The following TCERG1L variants were observed in gnomAD, a reference collection of about 807,000 sequenced individuals.
The protein encoded by TCERG1L is transcription elongation regulator 1 like, also known as transcription elongation regulator 1-like protein.
Under a neutral mutation model 56.3 loss-of-function variants are expected in TCERG1L, and 37 were observed. The ratio of observed to expected loss-of-function variants is 0.66; its 90% confidence interval spans 0.51 to 0.87. The LOEUF (loss-of-function observed/expected upper bound fraction) is 0.87, where lower values mean the gene tolerates loss of function less well. Among genes scored for constraint, TCERG1L ranks in the 40% least tolerant of loss-of-function variants. The pLI, the probability that TCERG1L is intolerant of heterozygous loss-of-function variation, is 0.00. For synonymous variants in TCERG1L, 324 were observed against 326.3 expected, an observed-to-expected ratio of 0.99 and a Z score of 0.08; for missense variants, 799 against 774.2, an observed-to-expected ratio of 1.03 and a Z score of -0.38.
At chr10:131,132,473 G>A (rs1348599813) in intron 8 of TCERG1L, among the ~76,000 whole-genome samples, 3 of 152,250 alleles carry the variant, frequency 2.0e-5, no homozygotes, top group Admixed American at 6.5e-5. Context: ...CCAGTCCCAC[G>A]GGATGGGAGT....
intron 6 of TCERG1L, among the ~76,000 whole-genome samples, chr10:131,159,380 A>G (rs1845954729): frequency 6.6e-6 from 1 of 152,146 alleles, no homozygotes. Context: ...ATGCCTCCTT[A>G]GTCCTGGGGG....
At chr10:131,196,070 C>T (rs1289274079) in intron 4 of TCERG1L, among the ~76,000 whole-genome samples, 1 of 152,226 alleles carries the variant, frequency 6.6e-6, no homozygotes, top group Non-Finnish European at 1.5e-5. Context: ...CCAGCAGCCC[C>T]ACTGAATGTC....
At chr10:131,284,516 T>C (rs1470570785) in intron 3 of TCERG1L, among the ~76,000 whole-genome samples, 3 of 151,740 alleles carry the variant, frequency 2.0e-5, no homozygotes, top group Non-Finnish European at 4.4e-5. Flanking sequence ...AAACAACACA[T>C]CTGAAGAAAA....
At chr10:131,251,042 C>T (rs1846104748) in intron 4 of TCERG1L, among the ~76,000 whole-genome samples, 1 of 152,150 alleles carries the variant, frequency 6.6e-6, no homozygotes, top group Non-Finnish European at 1.5e-5. Context: ...TCCGGCTTGT[C>T]GGAACATCAT....
intron 6 of TCERG1L, among the ~76,000 whole-genome samples, chr10:131,154,283 A>G (rs746115385): frequency 1.3e-5 from 2 of 152,120 alleles, no homozygotes; most frequent in Non-Finnish European, 2.9e-5. Flanking sequence ...GCTTTGTTGT[A>G]TGAAAGGACT....
chr10:131,205,234 C>T lies in TCERG1L; in HGVS notation c.857-38349G>A, dbSNP rs554064190. Among the ~76,000 whole-genome samples the T allele has an allele frequency of 1.3e-3, 191 of 152,208 alleles. 2 individuals are homozygous for T. The highest frequency in any genetic ancestry group is 4.4e-3 in the African/African-American group (184 of 41,546). Reference sequence around the variant, plus strand: ...AACAGCTCTCCTTTATGGAACGCCACATAATTAACCAGTGACGTGCACGCC... The same window carrying T: ...AACAGCTCTCCTTTATGGAACGCCATATAATTAACCAGTGACGTGCACGCC... On this transcript the variant is annotated intron_variant, in intron 4 of 11. Transcript: ENST00000368642.
In TCERG1L at chr10:131,191,536, C is replaced by T. The variant is rs1317066881; in HGVS notation, c.857-24651G>A. On this transcript the variant is annotated intron_variant, in intron 4 of 11. Transcript: ENST00000368642. ...ACAGCATGGTACTAGTAAAAGTAGG[C>T]ACATAGACCAATGGAACAGAATAGA... 1.4e-5 allele frequency among the ~76,000 whole-genome samples: 2 copies of T among 143,138 alleles called. 1 individual carries two copies. Among genetic ancestry groups the T allele is most frequent in the Non-Finnish European group, 3.1e-5 (2 of 65,166 alleles). The allele number at this position is 143,138 out of a possible 152,430, so 93.9% of individuals were successfully genotyped here.
At chr10:131,107,654 G>C (rs549513102) in intron 9 of TCERG1L, among the ~76,000 whole-genome samples, 2 of 152,242 alleles carry the variant, frequency 1.3e-5, no homozygotes, top group Admixed American at 1.3e-4. Context: ...AGGGAAGCCT[G>C]TTGTTCCCGA....
chr10:131,234,417 T>C (rs545171440), intron 4 of TCERG1L, among the ~76,000 whole-genome samples: 8 of 152,234 alleles, frequency 5.3e-5, no homozygotes, highest in Non-Finnish European at 7.3e-5. Context: ...CTCAAAATGA[T>C]GGAATGCAAT....
intron 4 of TCERG1L, among the ~76,000 whole-genome samples, chr10:131,199,885 G>A (rs1052920248): frequency 3.3e-5 from 5 of 152,162 alleles, no homozygotes; most frequent in Admixed American, 2.6e-4. Flanking sequence ...ACTCCCCTAT[G>A]CAACCTAGAA....
intron 4 of TCERG1L, among the ~76,000 whole-genome samples, chr10:131,170,076 C>T (rs1459071252): frequency 3.3e-5 from 5 of 152,276 alleles, no homozygotes; most frequent in East Asian, 3.9e-4. Context: ...GGAATACCTG[C>T]GACAAATGTT....
intron 3 of TCERG1L, among the ~76,000 whole-genome samples, chr10:131,296,060 T>C (rs1368734072): frequency 1.3e-5 from 2 of 152,220 alleles, no homozygotes; most frequent in Non-Finnish European, 2.9e-5. Flanking sequence ...TTTTCTTTTT[T>C]CTGCTTTTTT....
intron 4 of TCERG1L, among the ~76,000 whole-genome samples, chr10:131,258,589 C>T (rs939589464): frequency 2.6e-5 from 4 of 152,176 alleles, no homozygotes; most frequent in East Asian, 1.9e-4. Flanking sequence ...GTCCTATGGG[C>T]AGGGTTTCCA....
intron 3 of TCERG1L, among the ~76,000 whole-genome samples, chr10:131,268,581 A>T (rs1025976977): frequency 6.6e-6 from 1 of 152,150 alleles, no homozygotes; most frequent in Non-Finnish European, 1.5e-5. Flanking sequence ...TTCTTCCAAT[A>T]GATGGCTGTT....
chr10:131,233,878 G>A (rs1845880187), intron 4 of TCERG1L, among the ~76,000 whole-genome samples: 1 of 152,204 alleles, frequency 6.6e-6, no homozygotes, highest in African/African-American at 2.4e-5. Flanking sequence ...GCTGTTCTCT[G>A]TAGTGAATGC....
At chr10:131,155,540 G>A (rs1677998779) in intron 6 of TCERG1L, among the ~76,000 whole-genome samples, 1 of 152,220 alleles carries the variant, frequency 6.6e-6, no homozygotes, top group East Asian at 1.9e-4. Context: ...CTGTCTTTAT[G>A]GAGTTCAAAC....
chr10:131,157,614 T>A (rs932417595), intron 6 of TCERG1L, among the ~76,000 whole-genome samples: 1 of 151,980 alleles, frequency 6.6e-6, no homozygotes, highest in African/African-American at 2.4e-5. Context: ...GATACAGAAA[T>A]TCCGAAGGAG....
At chr10:131,176,622 C>T (rs1846154253) in intron 4 of TCERG1L, among the ~76,000 whole-genome samples, 1 of 1,542 alleles carries the variant, frequency 6.5e-4, no homozygotes, top group African/African-American at 1.7e-3. Flanking sequence ...GTGCACACAC[C>T]ATGACATGTG....
At chr10:131,256,980 GGAAGGAAGGAAGGAAAGAAAGAAAGAAA>G (rs1239861543) in intron 4 of TCERG1L, among the ~76,000 whole-genome samples, 102 of 75,644 alleles carry the variant, frequency 1.3e-3, no homozygotes, top group African/African-American at 4.6e-3. Context: ...AAGGAAGGAA[GGAAGGAAGGAAGGAAAGAAAGAAAGAAA>G]GAAAGAAAGA....
Sources: gnomAD v4.1 joint callset for allele counts (sites outside exome capture counted in the v4.1 genomes callset) on GRCh38, gnomAD v4.1.1 for gene constraint, MANE v1.5 for transcripts, NCBI Gene and HGNC (gene_info 2026-07-23, HGNC 2026-07-21) for gene names.